The following FTCDNL1 variants were observed in gnomAD, a reference collection of about 807,000 sequenced individuals.
The protein encoded by FTCDNL1 is formiminotransferase cyclodeaminase N-terminal like, also known as formiminotransferase N-terminal subdomain-containing protein.
In FTCDNL1, 11 loss-of-function variants were observed where a neutral mutation model predicts 5.9. The observed-to-expected ratio is 1.87, with a 90% CI of 1.18 to 3.10. The LOEUF (loss-of-function observed/expected upper bound fraction) is 3.10, where lower values mean the gene tolerates loss of function less well. FTCDNL1 is among the 30% of genes most tolerant of loss of function. FTCDNL1 has a pLI of 0.00. For synonymous variants in FTCDNL1, 58 were observed against 24.8 expected (o/e 2.34, Z -3.99); for missense variants, 115 against 65.5 (o/e 1.76, Z -2.61).
At chr2:199,821,192 C>G (rs895874235) in intron 3 of FTCDNL1, among the ~76,000 whole-genome samples, 11 of 152,204 alleles carry the variant, frequency 7.2e-5, no homozygotes, top group African/African-American at 2.6e-4. Context: ...CTCTGTCGCC[C>G]AGGCTGGAGT....
At chr2:199,755,176 T>C in the FTCDNL1 span, among the ~76,000 whole-genome samples, 1 of 152,108 alleles carries the variant, frequency 6.6e-6, no homozygotes, top group Non-Finnish European at 1.5e-5. Flanking sequence ...AAGGCAAGAG[T>C]GGACATTACT....
At chr2:199,743,605 C>A in the FTCDNL1 span, among the ~76,000 whole-genome samples, 1 of 151,960 alleles carries the variant, frequency 6.6e-6, no homozygotes, top group South Asian at 2.1e-4. Context: ...AGGCTCTGGG[C>A]GTTTCTCCTG....
At chr2:199,849,094 T>C in intron 1 of FTCDNL1, 125 bp from the exon 2 acceptor site, 1 of 599,008 alleles carries the variant, frequency 1.7e-6, no homozygotes, top group South Asian at 2.1e-5. Flanking sequence ...ACTATTTCAT[T>C]CCTAGAAAAA....
At chr2:199,815,720 G>A (rs1701312443) in intron 4 of FTCDNL1, among the ~76,000 whole-genome samples, 1 of 152,154 alleles carries the variant, frequency 6.6e-6, no homozygotes, top group Non-Finnish European at 1.5e-5. Context: ...AGCGATTTAT[G>A]GCCAGGCACA....
intron 3 of FTCDNL1, chr2:199,844,465 G>C: frequency 1.5e-6 from 1 of 665,146 alleles, no homozygotes; most frequent in African/African-American, 1.8e-5. Context: ...GGCAAGGGTG[G>C]ATTCCCTCTT....
chr2:199,840,172 A>G (rs892308406), intron 3 of FTCDNL1, among the ~76,000 whole-genome samples: 2 of 152,210 alleles, frequency 1.3e-5, no homozygotes, highest in Non-Finnish European at 2.9e-5. Flanking sequence ...ACCCTCAATG[A>G]ATGCATGAAG....
chr2:199,707,898 T>A, the FTCDNL1 span, among the ~76,000 whole-genome samples: 1 of 152,074 alleles, frequency 6.6e-6, no homozygotes, highest in Non-Finnish European at 1.5e-5. Flanking sequence ...TTATAGGAGT[T>A]TGATTCTGAT....
the FTCDNL1 span, among the ~76,000 whole-genome samples, chr2:199,684,308 T>C: frequency 6.6e-6 from 1 of 152,170 alleles, no homozygotes; most frequent in Non-Finnish European, 1.5e-5. Context: ...CCAAGTAAGT[T>C]GAGGATGGAG....
At chr2:199,728,185 A>G in the FTCDNL1 span, among the ~76,000 whole-genome samples, 1 of 152,240 alleles carries the variant, frequency 6.6e-6, no homozygotes, top group Non-Finnish European at 1.5e-5. Context: ...ACAATCTATT[A>G]GAAAGAGTTT....
intron 3 of FTCDNL1, among the ~76,000 whole-genome samples, chr2:199,843,187 T>C (rs1000529698): frequency 1.3e-5 from 2 of 151,956 alleles, no homozygotes; most frequent in Admixed American, 1.3e-4. Context: ...TGAGGTACAG[T>C]AGCTGCCAAT....
chr2:199,740,108 T>A, the FTCDNL1 span, among the ~76,000 whole-genome samples: 7 of 152,248 alleles, frequency 4.6e-5, no homozygotes, highest in African/African-American at 1.4e-4. Flanking sequence ...TTTCACTTCT[T>A]AGCTGTCAGT....
the FTCDNL1 span, among the ~76,000 whole-genome samples, chr2:199,689,487 G>GT: frequency 6.6e-6 from 1 of 152,106 alleles, no homozygotes; most frequent in Non-Finnish European, 1.5e-5. Flanking sequence ...ATGCCTACCT[G>GT]TTTTTGATCT....
At chr2:199,773,707 T>TC (rs1316860807) in intron 3 of FTCDNL1, among the ~76,000 whole-genome samples, 2 of 152,210 alleles carry the variant, frequency 1.3e-5, no homozygotes, top group Admixed American at 6.5e-5. Context: ...TTGATGACTG[T>TC]CCATCTATCT....
At chr2:199,843,306 GA>G (rs915055752) in intron 3 of FTCDNL1, among the ~76,000 whole-genome samples, 11 of 152,290 alleles carry the variant, frequency 7.2e-5, no homozygotes, top group African/African-American at 2.6e-4. Flanking sequence ...ATGTAATGAA[GA>G]ACTTCATGTA....
chr2:199,769,460 C>T (rs1698700376), intron 3 of FTCDNL1, among the ~76,000 whole-genome samples: 1 of 140,998 alleles, frequency 7.1e-6, no homozygotes, highest in Admixed American at 6.9e-5. Flanking sequence ...CCTCATCTGC[C>T]TTCCACCATG....
intron 3 of FTCDNL1, among the ~76,000 whole-genome samples, chr2:199,775,786 G>C (rs1372324223): frequency 1.3e-5 from 2 of 152,116 alleles, no homozygotes; most frequent in African/African-American, 2.4e-5. Flanking sequence ...TAGGTTCCAG[G>C]CTCGGTACTA....
At chr2:199,748,397 C>T in the FTCDNL1 span, among the ~76,000 whole-genome samples, 4 of 152,182 alleles carry the variant, frequency 2.6e-5, no homozygotes, top group South Asian at 8.3e-4. Flanking sequence ...CAAAGTATGT[C>T]CATGGGGAAG....
chr2:199,781,508 C>T (rs181325940), intron 3 of FTCDNL1, among the ~76,000 whole-genome samples: 3 of 152,118 alleles, frequency 2.0e-5, no homozygotes, highest in Admixed American at 6.6e-5. Flanking sequence ...CCAATTAGCA[C>T]AATGTCATAA....
chr2:199,773,128 TTTTA>T (rs1230532544), intron 3 of FTCDNL1, among the ~76,000 whole-genome samples: 1 of 152,192 alleles, frequency 6.6e-6, no homozygotes, highest in Non-Finnish European at 1.5e-5. Flanking sequence ...AAACATTGCC[TTTTA>T]TTTATTATCT....
Sources: gnomAD v4.1 joint callset for allele counts (sites outside exome capture counted in the v4.1 genomes callset) on GRCh38, gnomAD v4.1.1 for gene constraint, MANE v1.5 for transcripts, NCBI Gene and HGNC (gene_info 2026-07-23, HGNC 2026-07-21) for gene names.